The following ATP11C variants were observed in gnomAD, a reference collection of about 807,000 sequenced individuals.
The protein encoded by ATP11C is phospholipid-transporting ATPase IG.
A neutral mutation model predicts 97.4 loss-of-function variants in ATP11C; 36 were observed. That is an observed-to-expected ratio of 0.37 (90% CI 0.28 to 0.49). The LOEUF (loss-of-function observed/expected upper bound fraction) is 0.49. Ranked by LOEUF, ATP11C falls within the 20% of genes least tolerant of loss-of-function variation. The pLI, the probability that ATP11C is intolerant of heterozygous loss-of-function variation, is 0.98. For missense variants in ATP11C, 730 were observed against 824.6 expected (o/e 0.89, Z 1.40); for synonymous variants, 275 against 290.9 (o/e 0.95, Z 0.56).
rs2081344226 is a variant in ATP11C, at chrX:139,731,682, G to A, written c.3362C>T (p.Thr1121Ile). The change falls in exon 29 of 30, where the codon ACA (threonine) becomes ATA (isoleucine). Residue 1121 changes from threonine (T) to isoleucine (I), a missense_variant. Transcript: ENST00000682941. ...RPSVRPLLLRTFSDESNVL is the reference protein window; with the variant it reads ...RPSVRPLLLRIFSDESNVL ...CAATACATTAGATTCGTCTGAGAAT[G>A]TTCGTAAAAGAAGAGGTCTGACTGA... 1 of 1,191,310 alleles carries A rather than the reference G, an allele frequency of 8.4e-7. No individual in the cohort carries two copies. Among genetic ancestry groups the A allele is most frequent in the Non-Finnish European group, 1.1e-6 (1 of 882,845 alleles).
intron 22 of ATP11C, among the ~76,000 whole-genome samples, chrX:139,758,258 T>C (rs911320685): frequency 8.9e-6 from 1 of 112,314 alleles, no homozygotes; most frequent in African/African-American, 3.2e-5. Flanking sequence ...AATAAATAGT[T>C]GGGAAATTAT....
At chrX:139,829,464 T>C (rs1424326696) in intron 1 of ATP11C, among the ~76,000 whole-genome samples, 1 of 112,303 alleles carries the variant, frequency 8.9e-6, no homozygotes, top group Non-Finnish European at 1.9e-5. Context: ...TTTTGAATAA[T>C]GTAGGTGTCT....
At chrX:139,735,623 T>C (rs1264234564) in intron 28 of ATP11C, among the ~76,000 whole-genome samples, 2 of 111,934 alleles carry the variant, frequency 1.8e-5, no homozygotes, top group African/African-American at 6.5e-5. Context: ...CTTTCTCCCT[T>C]ATCTTAGAAG....
intron 1 of ATP11C, among the ~76,000 whole-genome samples, chrX:139,927,510 A>T (rs1467017202): frequency 9.0e-6 from 1 of 111,492 alleles, no homozygotes; most frequent in African/African-American, 3.3e-5. Context: ...GGGCTGAGGC[A>T]GGAGAATCGC....
chrX:139,809,616 T>C (rs1360662603), intron 5 of ATP11C, among the ~76,000 whole-genome samples: 6 of 112,253 alleles, frequency 5.3e-5, no homozygotes, highest in Admixed American at 4.7e-4. Flanking sequence ...TTGTACAACA[T>C]TGTGAATGTA....
chrX:139,935,698 AAATGC>A (rs1312764761), upstream of ATP11C, among the ~76,000 whole-genome samples: 1 of 112,101 alleles, frequency 8.9e-6, no homozygotes, highest in Non-Finnish European at 1.9e-5. Context: ...TCAACTATAA[AAATGC>A]AATTCCAGGC....
intron 12 of ATP11C, among the ~76,000 whole-genome samples, chrX:139,790,982 T>C (rs1044989981): frequency 9.0e-6 from 1 of 111,434 alleles, no homozygotes; most frequent in Admixed American, 9.6e-5. Flanking sequence ...TTATCCTCGT[T>C]TTGGCAATTT....
intron 5 of ATP11C, among the ~76,000 whole-genome samples, chrX:139,810,012 C>T (rs748584478): frequency 9.0e-6 from 1 of 111,212 alleles, no homozygotes; most frequent in African/African-American, 3.3e-5. Context: ...TATTTTATTA[C>T]CAAAAAAGAC....
chrX:139,734,492 A>G (rs1045564762), intron 28 of ATP11C, among the ~76,000 whole-genome samples: 1 of 111,583 alleles, frequency 9.0e-6, no homozygotes, highest in Admixed American at 9.5e-5. Flanking sequence ...TTCACACAGG[A>G]TATGTGGAAA....
At chrX:139,875,923 C>G (rs73581729) in intron 1 of ATP11C, among the ~76,000 whole-genome samples, 6,499 of 111,771 alleles carry the variant, frequency 0.058, 443 homozygotes, top group African/African-American at 0.2. Flanking sequence ...AAGGAAAAGT[C>G]AGAAGTTATC....
chrX:139,926,965 G>C (rs1238416253), intron 1 of ATP11C, among the ~76,000 whole-genome samples: 1 of 112,120 alleles, frequency 8.9e-6, no homozygotes, highest in Non-Finnish European at 1.9e-5. Flanking sequence ...GGAGACAAAT[G>C]CAAGAAACTC....
chrX:139,765,641 C>T (rs995291653), intron 20 of ATP11C, among the ~76,000 whole-genome samples: 2 of 112,176 alleles, frequency 1.8e-5, no homozygotes, highest in African/African-American at 3.2e-5. Context: ...TCCAAGAGCA[C>T]ATAGCCAGAT....
chrX:139,920,098 G>A (rs970966195), intron 1 of ATP11C, among the ~76,000 whole-genome samples: 2 of 110,330 alleles, frequency 1.8e-5, no homozygotes, highest in African/African-American at 6.6e-5. Flanking sequence ...GGTGGCTCAC[G>A]CCTATAATCC....
intron 1 of ATP11C, among the ~76,000 whole-genome samples, chrX:139,890,418 G>C (rs542881863): frequency 3.6e-5 from 4 of 111,036 alleles, no homozygotes; most frequent in African/African-American, 1.3e-4. Flanking sequence ...TGTGGTTCCA[G>C]CTACTTGGGA....
At chrX:139,762,355 T>C (rs1430846054) in intron 21 of ATP11C, among the ~76,000 whole-genome samples, 2 of 112,052 alleles carry the variant, frequency 1.8e-5, no homozygotes, top group Non-Finnish European at 3.8e-5. Flanking sequence ...ATTTCAATCA[T>C]TACAAGGTAA....
intron 1 of ATP11C, among the ~76,000 whole-genome samples, chrX:139,908,864 T>G (rs1482667175): frequency 8.9e-6 from 1 of 112,172 alleles, no homozygotes; most frequent in African/African-American, 3.2e-5. Flanking sequence ...CTAGGATGTT[T>G]CCAATGCAGG....
At chrX:139,897,855 C>T (rs2084836218) in intron 1 of ATP11C, among the ~76,000 whole-genome samples, 2 of 106,287 alleles carry the variant, frequency 1.9e-5, no homozygotes, top group South Asian at 4.4e-4. Flanking sequence ...ATCTCTTGAA[C>T]GGGGAAGTCA....
chrX:139,792,606 G>A, intron 12 of ATP11C, among the ~76,000 whole-genome samples: 1 of 111,351 alleles, frequency 9.0e-6, no homozygotes, highest in Admixed American at 9.6e-5. Flanking sequence ...GTGAACTGGA[G>A]GATACCCAGC....
chrX:139,785,609 C>T (rs1415796654), intron 15 of ATP11C, among the ~76,000 whole-genome samples: 1 of 111,283 alleles, frequency 9.0e-6, no homozygotes, highest in Non-Finnish European at 1.9e-5. Flanking sequence ...AGAAACAGTC[C>T]CACTCTGCCA....
Sources: gnomAD v4.1 joint callset for allele counts (sites outside exome capture counted in the v4.1 genomes callset) on GRCh38, gnomAD v4.1.1 for gene constraint, MANE v1.5 for transcripts, NCBI Gene and HGNC (gene_info 2026-07-23, HGNC 2026-07-21) for gene names.